Variants in KAZN observed in about 807,000 individuals in gnomAD.
KAZN encodes kazrin.
KAZN carries 40 observed loss-of-function variants against 87.4 expected under a neutral mutation model. The observed-to-expected ratio is 0.46, with a 90% CI of 0.36 to 0.60. KAZN has a LOEUF of 0.60. Ranked by LOEUF, KAZN falls within the 20% of genes least tolerant of loss-of-function variation. The pLI, the probability that KAZN is intolerant of heterozygous loss-of-function variation, is 0.00. For synonymous variants in KAZN, 466 were observed against 458.3 expected (o/e 1.02, Z -0.22); for missense variants, 898 against 1,073.9 (o/e 0.84, Z 2.29).
At chr1:13,929,561 G>C (rs542814949) in intron 1 of KAZN, among the ~76,000 whole-genome samples, 1 of 152,160 alleles carries the variant, frequency 6.6e-6, no homozygotes, top group Non-Finnish European at 1.5e-5. Flanking sequence ...TGCTAGCCTT[G>C]AGCCTGACAT....
intron 1 of KAZN, among the ~76,000 whole-genome samples, chr1:14,603,075 T>C (rs12144667): frequency 0.11 from 16,330 of 152,270 alleles, 1,098 homozygotes; most frequent in Non-Finnish European, 0.15. Context: ...GGAAACTCTT[T>C]CGTGAAGTAT....
exon 2 of KAZN, chr1:14,180,501 TGGA>T: frequency 6.5e-7 from 1 of 1,550,376 alleles, no homozygotes; most frequent in Non-Finnish European, 8.7e-7. Flanking sequence ...TCGAAGGCAC[TGGA>T]GGAGGACAAA....
At chr1:14,745,159 A>G (rs1644225783) in intron 1 of KAZN, among the ~76,000 whole-genome samples, 1 of 151,630 alleles carries the variant, frequency 6.6e-6, no homozygotes, top group Admixed American at 6.6e-5. Flanking sequence ...GCAGGCCAGC[A>G]CCCAGCACCA....
At chr1:14,692,400 C>G (rs548872439) in intron 1 of KAZN, 16 of 287,892 alleles carry the variant, frequency 5.6e-5, no homozygotes, top group Admixed American at 1.1e-4. Flanking sequence ...TTTGACCGAC[C>G]TGCAAACCTC....
Position 13,989,179 on chromosome 1 carries a change from G to A in KAZN, c.91+95423G>A, listed in dbSNP as rs541254331. On this transcript the variant is annotated intron_variant, in intron 1 of 16. Coordinates refer to the KAZN transcript ENST00000636203. ...ATTCATGAAGGTTGGAGCCCTCATG[G>A]TCTTCAGCTCTCATTAGGCCTCACC... 3.0e-4 allele frequency among the ~76,000 whole-genome samples: 46 copies of A among 152,206 alleles called. No homozygotes were observed. In the Middle Eastern group the frequency reaches 0.01, roughly 34 times the overall value.
intron 2 of KAZN, among the ~76,000 whole-genome samples, chr1:14,471,480 C>T (rs1276933043): frequency 6.6e-6 from 1 of 152,122 alleles, no homozygotes; most frequent in African/African-American, 2.4e-5. Context: ...TTGGCTTTTG[C>T]TCTGATTGAG....
chr1:13,942,564 AAAAAAAAATGTAT>A (rs1245939857), intron 1 of KAZN, among the ~76,000 whole-genome samples: 1 of 145,012 alleles, frequency 6.9e-6, no homozygotes. Flanking sequence ...AAAAAAAAAA[AAAAAAAAATGTAT>A]ATATATAATT....
At chr1:14,327,978 C>A (rs1327610360) in intron 2 of KAZN, among the ~76,000 whole-genome samples, 2 of 152,180 alleles carry the variant, frequency 1.3e-5, no homozygotes, top group Admixed American at 6.5e-5. Flanking sequence ...AATATCTAAG[C>A]CTATGGATCA....
chr1:14,151,160 G>A (rs943459689), intron 1 of KAZN, among the ~76,000 whole-genome samples: 2 of 151,586 alleles, frequency 1.3e-5, no homozygotes, highest in Non-Finnish European at 2.9e-5. Context: ...GCATCCTAGA[G>A]TTTCATAGGG....
chr1:15,083,166 C>T (rs1453609538), intron 8 of KAZN, among the ~76,000 whole-genome samples: 3 of 152,206 alleles, frequency 2.0e-5, no homozygotes, highest in Non-Finnish European at 2.9e-5. Context: ...CCAAACTCTT[C>T]GGAGGTAGGC....
At chr1:14,817,863 A>G (rs536795782) in intron 1 of KAZN, among the ~76,000 whole-genome samples, 1 of 152,232 alleles carries the variant, frequency 6.6e-6, no homozygotes, top group Non-Finnish European at 1.5e-5. Context: ...TGACACTTCA[A>G]CAACTACTAG....
chr1:14,399,169 A>G (rs72645911), intron 2 of KAZN, among the ~76,000 whole-genome samples: 22,942 of 151,592 alleles, frequency 0.15, 1,857 homozygotes, highest in East Asian at 0.23. Context: ...TGGCTAGTTT[A>G]TTTATTTATT....
intron 2 of KAZN, among the ~76,000 whole-genome samples, chr1:14,544,062 C>T (rs1208382258): frequency 6.6e-6 from 1 of 152,148 alleles, no homozygotes; most frequent in Admixed American, 6.5e-5. Flanking sequence ...AATTTTGAAT[C>T]AGGCTTTTCA....
At chr1:14,100,773 A>G (rs1417063054) in intron 1 of KAZN, among the ~76,000 whole-genome samples, 1 of 152,104 alleles carries the variant, frequency 6.6e-6, no homozygotes, top group Admixed American at 6.5e-5. Flanking sequence ...TATCAGTGTG[A>G]TATTGTTTAG....
At chr1:14,409,902 A>AT (rs1557698751) in intron 2 of KAZN, among the ~76,000 whole-genome samples, 1 of 152,210 alleles carries the variant, frequency 6.6e-6, no homozygotes, top group African/African-American at 2.4e-5. Flanking sequence ...AGTAGGGCAG[A>AT]TTTTTTAAAT....
chr1:14,523,744 G>A (rs755643762), intron 2 of KAZN, among the ~76,000 whole-genome samples: 2 of 152,170 alleles, frequency 1.3e-5, no homozygotes, highest in Admixed American at 6.5e-5. Context: ...TGGTTGATCC[G>A]ATGGTACATG....
intron 8 of KAZN, chr1:15,067,059 G>A (rs1160206833): frequency 2.0e-6 from 2 of 985,622 alleles, no homozygotes; most frequent in African/African-American, 1.7e-5. Flanking sequence ...ACCCTGGCCT[G>A]AGTCTGTTCT....
At chr1:14,072,218 C>T (rs1013333451) in intron 1 of KAZN, among the ~76,000 whole-genome samples, 2 of 152,074 alleles carry the variant, frequency 1.3e-5, no homozygotes, top group Non-Finnish European at 2.9e-5. Context: ...GGGCCTAGTG[C>T]GATGAGTGCT....
intron 2 of KAZN, among the ~76,000 whole-genome samples, chr1:14,436,728 A>AC (rs1553172251): frequency 2.0e-4 from 6 of 29,352 alleles, no homozygotes; most frequent in African/African-American, 7.2e-4. Flanking sequence ...AAAAAAAAAA[A>AC]AAAAAAAAAA....
Sources: allele counts gnomAD v4.1 joint callset (sites outside exome capture counted in the v4.1 genomes callset), GRCh38; gene constraint gnomAD v4.1.1; transcripts MANE v1.5; gene names NCBI Gene and HGNC (gene_info 2026-07-23, HGNC 2026-07-21).